FAM83F: variants seen among roughly 807,000 people sequenced by gnomAD.
FAM83F encodes the protein scaffolding CK1 anchoring protein F, also known as protein FAM83F.
In FAM83F, 45 loss-of-function variants were observed where a neutral mutation model predicts 42.9. The ratio of observed to expected loss-of-function variants is 1.05; its 90% CI spans 0.83 to 1.35. The LOEUF (loss-of-function observed/expected upper bound fraction) is 1.35, where lower values mean the gene tolerates loss of function less well. Ranked by LOEUF, FAM83F falls within the 40% of genes most tolerant of loss-of-function variation. FAM83F has a pLI of 0.00. For missense variants in FAM83F, 617 were observed against 695.9 expected, an observed-to-expected ratio of 0.89 and a Z score of 1.28; for synonymous variants, 306 against 298.3, an observed-to-expected ratio of 1.03 and a Z score of -0.27.
At chr22:40,005,746 C>G (rs1460051016) in intron 1 of FAM83F, among the ~76,000 whole-genome samples, 1 of 152,204 alleles carries the variant, frequency 6.6e-6, no homozygotes, top group Admixed American at 6.5e-5. Context: ...GTAGAGGGCT[C>G]TGGGAGAGGA....
At position 40,002,840 on chromosome 22, in the gene FAM83F, C is replaced by T. The variant is rs1020870810; in HGVS notation, c.489+7309C>T. 8.5e-5 allele frequency among the ~76,000 whole-genome samples: 13 copies of T among 152,314 alleles called. No homozygotes were observed. The Middle Eastern group carries it at 0.01, about 120-fold the overall frequency. The stretch of plus-strand genomic sequence containing the variant: ...CTGAAGAAGGGCTAATGTTGAGTGA[C>T]AGGATCGGTGCCCTGTGTGCCATTT... On this transcript the variant is annotated intron_variant, in intron 1 of 4. Transcript: ENST00000333407.
Position 40,042,766 on chromosome 22 carries a change from CT to C in FAM83F, c.*13202del, listed in dbSNP as rs1601778856. 6.6e-6 allele frequency: 1 copy of C among 152,210 alleles called. No homozygotes were observed. The highest frequency in any genetic ancestry group is 1.5e-5 in the Non-Finnish European group (1 of 68,042). 9.4% of individuals were successfully genotyped at this position (152,210 alleles called of 1,614,324 possible). The stretch of plus-strand genomic sequence containing the variant: ...GACACAAAGATGAAAAAGAAACCAT[CT>C]GCTTCAAGGTACTTACAACTGAAAT... On this transcript the variant is annotated 3_prime_UTR_variant, in exon 5 of 5. Coordinates refer to ENST00000333407, the MANE Select transcript of FAM83F (RefSeq NM_138435.4).
intron 1 of FAM83F, among the ~76,000 whole-genome samples, chr22:40,018,803 G>C (rs1216868320): frequency 6.6e-6 from 1 of 152,070 alleles, no homozygotes; most frequent in Non-Finnish European, 1.5e-5. Flanking sequence ...TGGCCAGGCT[G>C]GTCTCAAACT....
At position 40,031,988 on chromosome 22, in the gene FAM83F, C is replaced by G. The variant is rs936347171; in HGVS notation, c.*2423C>G. 2 of 152,330 alleles carry G rather than the reference C, an allele frequency of 1.3e-5. No individual in the cohort carries two copies. Among genetic ancestry groups the G allele is most frequent in the African/African-American group, 4.8e-5 (2 of 41,452 alleles). 9.4% of individuals were successfully genotyped at this position (152,330 alleles called of 1,614,324 possible). On this transcript the variant is annotated 3_prime_UTR_variant, in exon 5 of 5. Coordinates refer to ENST00000333407, the MANE Select transcript of FAM83F (RefSeq NM_138435.4). ...ACTTGCACATACTTTGTGAAGCAGT[C>G]TCTTACTCATCAAATCTCAAGGGTA...
At chr22:40,018,356 C>T (rs2067502222) in intron 1 of FAM83F, among the ~76,000 whole-genome samples, 1 of 152,186 alleles carries the variant, frequency 6.6e-6, no homozygotes, top group Non-Finnish European at 1.5e-5. Context: ...GTGATGGCAT[C>T]TCCTTGTGCC....
At chr22:39,998,955 G>A (rs1251863029) in intron 1 of FAM83F, 1 of 152,106 alleles carries the variant, frequency 6.6e-6, no homozygotes, top group Non-Finnish European at 1.5e-5. Flanking sequence ...GGAAACTCTT[G>A]GTTCTTATTT....
In FAM83F at chr22:40,021,808, C is replaced by T. The variant is rs777276836; in HGVS notation, c.1298C>T (p.Ala433Val). 2 of 1,612,396 alleles carry T rather than the reference C, an allele frequency of 1.2e-6. No individual in the cohort carries two copies. Among genetic ancestry groups the T allele is most frequent in the South Asian group, 1.1e-5 (1 of 91,060 alleles). ...GMGEAARGEAAPARRFSSRLF... is the reference protein window; with the variant it reads ...GMGEAARGEAVPARRFSSRLF... ...GGAGAAGCGGCCCGGGGGGAGGCCG[C>T]CCCCGCCAGGCGCTTCAGCAGCAGG... Residue 433 changes from alanine (A) to valine (V), a missense_variant, in exon 4 of 5, where the codon GCC becomes GTC. Transcript: ENST00000333407. This position sits in a 1 kb window ranked among gnomAD's most constrained non-coding sequence, Gnocchi z 8.7.
At chr22:40,027,033 G>T (rs2145723345) in intron 4 of FAM83F, among the ~76,000 whole-genome samples, 1 of 152,214 alleles carries the variant, frequency 6.6e-6, no homozygotes, top group Non-Finnish European at 1.5e-5. Flanking sequence ...TCTGTGCCAG[G>T]CCCTGCTCTA....
chr22:40,019,280 T>C lies in FAM83F; in HGVS notation c.602T>C (p.Val201Ala). 6.2e-7 allele frequency: 1 copy of C among 1,613,764 alleles called. No individual in the cohort carries two copies. Among genetic ancestry groups the C allele is most frequent in the Non-Finnish European group, 8.5e-7 (1 of 1,179,924 alleles). Residue 201 changes from valine to alanine, a missense_variant, in exon 2 of 5, where the codon GTG becomes GCG. Coordinates refer to ENST00000333407, the MANE Select transcript of FAM83F (RefSeq NM_138435.4). ...PVYIILDEAG[V>A]KYFLEMCQDL... ...TACATCATCCTGGACGAGGCAGGAG[T>C]GAAGTATTTCCTGGAGATGTGTCAG...
At position 40,029,663 on chromosome 22, in the gene FAM83F, G is replaced by T; in HGVS notation, c.*98G>T. On this transcript the variant is annotated 3_prime_UTR_variant, in exon 5 of 5. Transcript: ENST00000333407. ...GCACACTGCACCAGTTTGCACATCAGACGCCAACTGGCCTTCTGCCCTGCA... is the reference window on the plus strand; with the variant it reads ...GCACACTGCACCAGTTTGCACATCATACGCCAACTGGCCTTCTGCCCTGCA... 1 of 1,507,712 alleles carries T rather than the reference G, an allele frequency of 6.6e-7. No homozygotes were observed. 93.4% of individuals were successfully genotyped at this position (1,507,712 alleles called of 1,614,324 possible).
intron 1 of FAM83F, among the ~76,000 whole-genome samples, chr22:40,004,637 G>A (rs968742756): frequency 4.6e-5 from 7 of 151,674 alleles, no homozygotes; most frequent in African/African-American, 7.3e-5. Context: ...GGGTTTCACC[G>A]TGTTGGCCAG....
At chr22:40,009,370 C>G (rs953869032) in intron 1 of FAM83F, among the ~76,000 whole-genome samples, 6 of 152,136 alleles carry the variant, frequency 3.9e-5, no homozygotes, top group African/African-American at 1.2e-4. Flanking sequence ...CCGCCCGAGT[C>G]CTGAGCTCCA....
intron 1 of FAM83F, among the ~76,000 whole-genome samples, chr22:40,004,988 A>T (rs1405546263): frequency 1.3e-5 from 2 of 152,248 alleles, no homozygotes; most frequent in African/African-American, 4.8e-5. Context: ...GGCCCAGGAC[A>T]CGTGGACTCA....
rs992339360 is a variant in FAM83F at position 40,042,835 on chromosome 22, C to T, written c.*13270C>T. On this transcript the variant is annotated 3_prime_UTR_variant, in exon 5 of 5. Transcript: ENST00000333407. ...AGAAAGTCAAGCACCAACTTAAGTG[C>T]TAAAATAGGGGTCCAAGCAACCAAC... is the stretch of plus-strand genomic sequence containing the variant. 2 of 152,154 alleles carry T rather than the reference C, an allele frequency of 1.3e-5. No homozygotes were observed. Among genetic ancestry groups the T allele is most frequent in the African/African-American group, 2.4e-5 (1 of 41,422 alleles). The allele number at this position is 152,154 out of a possible 1,614,324, so 9.4% of individuals were successfully genotyped here. A position where few individuals can be genotyped will look rare whatever the true frequency, so the allele number is the denominator to read the frequency against.
At position 40,042,454 on chromosome 22, in the gene FAM83F, G is replaced by C. The variant is rs1019069412; in HGVS notation, c.*12889G>C. The C allele has an allele frequency of 9.2e-5, 14 of 152,188 alleles. No homozygotes were observed. Among genetic ancestry groups the C allele is most frequent in the African/African-American group, 3.4e-4 (14 of 41,428 alleles). 9.4% of individuals were successfully genotyped at this position (152,188 alleles called of 1,614,324 possible). A position where few individuals can be genotyped will look rare whatever the true frequency, so the allele number is the denominator to read the frequency against. On this transcript the variant is annotated 3_prime_UTR_variant, in exon 5 of 5. Coordinates refer to ENST00000333407, the MANE Select transcript of FAM83F (RefSeq NM_138435.4). ...CTAGCTAACCGTAACTCATTCTTTAGTTCTCCTTGAAGGTGTCACTTCTTC... is the reference window on the plus strand; with the variant it reads ...CTAGCTAACCGTAACTCATTCTTTACTTCTCCTTGAAGGTGTCACTTCTTC...
In FAM83F at chr22:40,021,301, G is replaced by A. The variant is rs1170684994; in HGVS notation, c.791G>A (p.Ser264Asn). Residue 264 changes from serine to asparagine, a missense_variant, in exon 4 of 5, where the codon AGT (serine) becomes AAT (asparagine). By Grantham distance (46) the Ser-to-Asn change is conservative. Coordinates refer to ENST00000333407, the MANE Select transcript of FAM83F (RefSeq NM_138435.4). The surrounding 1 kb of genome is among the most constrained non-coding windows in gnomAD (Gnocchi z 8.7). Reference protein sequence around the residue: ...VATGSYRFTWSSSHVDRNLLL... With the variant: ...VATGSYRFTWNSSHVDRNLLL... The stretch of plus-strand genomic sequence containing the variant: ...CCCCACGTTCCCAGGTTCACCTGGA[G>A]TTCCTCCCATGTGGACAGAAACCTC... The A allele has an allele frequency of 1.3e-6, 2 of 1,543,838 alleles. No homozygotes were observed. Among genetic ancestry groups the A allele is most frequent in the Admixed American group, 3.9e-5 (2 of 51,280 alleles).
rs930336682 is a variant in FAM83F, at chr22:40,042,958, C to T, written c.*13393C>T. 1 of 152,170 alleles carries T rather than the reference C, an allele frequency of 6.6e-6. No individual in the cohort carries two copies. The highest frequency in any genetic ancestry group is 1.5e-5 in the Non-Finnish European group (1 of 68,038). 9.4% of individuals were successfully genotyped at this position (152,170 alleles called of 1,614,324 possible). On this transcript the variant is annotated 3_prime_UTR_variant, in exon 5 of 5. Coordinates refer to ENST00000333407, the MANE Select transcript of FAM83F (RefSeq NM_138435.4). ...CTGGAAGGCTAATATGGGGTATGTG[C>T]ATACAATTTTAAGGACTCACGTTCT...
chr22:40,005,605 A>G (rs951786270), intron 1 of FAM83F, among the ~76,000 whole-genome samples: 3 of 152,198 alleles, frequency 2.0e-5, no homozygotes, highest in Non-Finnish European at 4.4e-5. Flanking sequence ...TCTCCTTTGT[A>G]CATACACCCT....
chr22:39,995,492 C>G lies in FAM83F; in HGVS notation c.450C>G (p.Leu150=). Residue 150 remains leucine (L), a synonymous_variant, in exon 1 of 5, where the codon CTC becomes CTG. Coordinates refer to ENST00000333407, the MANE Select transcript of FAM83F (RefSeq NM_138435.4). This position sits in a 1 kb window ranked among gnomAD's most constrained non-coding sequence, Gnocchi z 4.6. ...CCAAGGACGAGAAGGCGCCGCACCT[C>G]AAGCAGGTGGTCAGGCAGATGATCC... is the stretch of plus-strand genomic sequence containing the variant. ...HPPKDEKAPH[L]KQVVRQMIQQ... 1 of 1,578,924 alleles carries G rather than the reference C, an allele frequency of 6.3e-7. No homozygotes were observed. The highest frequency in any genetic ancestry group is 8.6e-7 in the Non-Finnish European group (1 of 1,161,980).
Sources: allele counts gnomAD v4.1 joint callset (sites outside exome capture counted in the v4.1 genomes callset), GRCh38; gene constraint gnomAD v4.1.1; non-coding constraint Gnocchi (gnomAD v3.1); transcripts MANE v1.5; gene names NCBI Gene and HGNC (gene_info 2026-07-23, HGNC 2026-07-21).